The following DLG2 variants were observed in gnomAD, a reference collection of about 807,000 sequenced individuals.
The protein encoded by DLG2 is disks large homolog 2.
DLG2 carries 45 observed loss-of-function variants against 132.5 expected under a neutral mutation model. The ratio of observed to expected loss-of-function variants is 0.34; its 90% confidence interval spans 0.27 to 0.44. The LOEUF (loss-of-function observed/expected upper bound fraction) is 0.44, where lower values mean the gene tolerates loss of function less well. DLG2 is among the 20% of genes least tolerant of loss of function. The pLI is 1.00. For missense variants in DLG2, 1,045 were observed against 1,196.9 expected, an observed-to-expected ratio of 0.87 and a Z score of 1.87; for synonymous variants, 424 against 419.6, an observed-to-expected ratio of 1.01 and a Z score of -0.13.
intron 7 of DLG2, among the ~76,000 whole-genome samples, chr11:84,530,014 A>G (rs1304848214): frequency 2.0e-5 from 3 of 152,174 alleles, no homozygotes; most frequent in Admixed American, 2.0e-4. Context: ...CTGATCTTCA[A>G]TAAAGTGGAA....
chr11:84,915,604 G>T (rs1184944066), intron 6 of DLG2, among the ~76,000 whole-genome samples: 1 of 152,078 alleles, frequency 6.6e-6, no homozygotes, highest in Non-Finnish European at 1.5e-5. Flanking sequence ...CAGATTCCCA[G>T]GCTGCTTTCC....
chr11:84,637,704 G>C (rs970591477), intron 6 of DLG2, among the ~76,000 whole-genome samples: 1 of 152,210 alleles, frequency 6.6e-6, no homozygotes, highest in Admixed American at 6.5e-5. Flanking sequence ...AGACATCGCA[G>C]CTCATTTTGT....
At position 85,470,995 on chromosome 11, in the gene DLG2, C is replaced by T. The variant is rs1411695590; in HGVS notation, c.40+127662G>A. On this transcript the variant is annotated intron_variant, in intron 3 of 27. Transcript: ENST00000376104. The stretch of plus-strand genomic sequence containing the variant: ...TATTTACATTGCAAAGTGTAAGTAC[C>T]CAGGACTCCTTCTTTTCTCTTCCCT... Among the ~76,000 whole-genome samples the T allele has an allele frequency of 2.6e-5, 4 of 152,278 alleles. No homozygotes were observed. In the East Asian group the frequency reaches 7.7e-4, roughly 29 times the overall value.
intron 3 of DLG2, among the ~76,000 whole-genome samples, chr11:85,387,182 T>C (rs2086415735): frequency 6.6e-6 from 1 of 152,084 alleles, no homozygotes; most frequent in Admixed American, 6.6e-5. Context: ...GCCACCAGAA[T>C]ATCCTTTCTT....
chr11:85,180,353 T>C (rs1482616234), intron 4 of DLG2, among the ~76,000 whole-genome samples: 1 of 151,882 alleles, frequency 6.6e-6, no homozygotes, highest in Non-Finnish European at 1.5e-5. Flanking sequence ...TGTTAAACTT[T>C]TTTTAATGAG....
chr11:85,509,048 T>A (rs1204175684), intron 3 of DLG2, among the ~76,000 whole-genome samples: 1 of 152,084 alleles, frequency 6.6e-6, no homozygotes, highest in African/African-American at 2.4e-5. Context: ...GGGTTTTTAT[T>A]GTGAAATGCT....
At chr11:84,298,071 CCT>C (rs763093635) in intron 7 of DLG2, among the ~76,000 whole-genome samples, 10 of 152,122 alleles carry the variant, frequency 6.6e-5, no homozygotes, top group Non-Finnish European at 7.3e-5. Flanking sequence ...ATAGCACACC[CCT>C]GTCTGAAGTA....
rs567360432 is a variant in DLG2, at chr11:85,468,810, T to A, written c.40+129847A>T. Among the ~76,000 whole-genome samples the A allele has an allele frequency of 2.0e-5, 3 of 152,314 alleles. No homozygotes were observed. The East Asian group carries it at 5.8e-4, about 29-fold the overall frequency. ...TCTGTTGATTTGGGGTGCAGAGTTC[T>A]GTAGATGTCTAATTTTTTTTAAATA... On this transcript the variant is annotated intron_variant, in intron 3 of 27. Transcript: ENST00000376104.
intron 4 of DLG2, among the ~76,000 whole-genome samples, chr11:85,197,064 G>A (rs2081122278): frequency 6.6e-6 from 1 of 152,066 alleles, no homozygotes; most frequent in African/African-American, 2.4e-5. Flanking sequence ...GAAAACTGAG[G>A]GCAGTTTTAA....
At position 83,589,247 on chromosome 11, in the gene DLG2, C is replaced by T. The variant is rs1009127903; in HGVS notation, c.1940+43964G>A. On this transcript the variant is annotated intron_variant, in intron 19 of 27. Transcript: ENST00000376104. ...GTTAAGGGCAGCCAGAGAGAAAGGT[C>T]GGGTTACCCTCAAAGGGAAGCCCAT... is the stretch of plus-strand genomic sequence containing the variant. Among the ~76,000 whole-genome samples, 7 of 151,636 alleles carry T rather than the reference C, an allele frequency of 4.6e-5. No individual in the cohort carries two copies. The East Asian group carries it at 7.8e-4, about 17-fold the overall frequency.
At chr11:84,919,402 C>T (rs915945166) in intron 6 of DLG2, among the ~76,000 whole-genome samples, 2 of 152,172 alleles carry the variant, frequency 1.3e-5, no homozygotes, top group African/African-American at 4.8e-5. Flanking sequence ...CATTCTGTTA[C>T]ACTCTTTTTC....
chr11:83,724,130 A>G lies in DLG2; in HGVS notation c.1825+62560T>C, dbSNP rs1228094018. On this transcript the variant is annotated intron_variant, in intron 18 of 27. Coordinates refer to ENST00000376104, the MANE Select transcript of DLG2 (RefSeq NM_001142699.3). The stretch of plus-strand genomic sequence containing the variant: ...AGAGTCTAGCTTTCCATATACTACT[A>G]CTAATCTTTAAACAACCACCAGAAC... 2.0e-5 allele frequency among the ~76,000 whole-genome samples: 3 copies of G among 152,138 alleles called. No individual in the cohort carries two copies. The East Asian group carries it at 5.8e-4, about 29-fold the overall frequency.
intron 6 of DLG2, among the ~76,000 whole-genome samples, chr11:84,540,668 T>C (rs2099366416): frequency 6.6e-6 from 1 of 152,158 alleles, no homozygotes; most frequent in Admixed American, 6.5e-5. Context: ...AAATACCATT[T>C]GACCCAGCCA....
At chr11:85,547,678 C>G (rs557745563) in intron 3 of DLG2, among the ~76,000 whole-genome samples, 2 of 152,010 alleles carry the variant, frequency 1.3e-5, no homozygotes, top group African/African-American at 4.8e-5. Context: ...AGGTTTTGTT[C>G]GTTTCTTTTC....
intron 6 of DLG2, among the ~76,000 whole-genome samples, chr11:84,928,958 A>ACG (rs2047726554): frequency 1.9e-5 from 1 of 52,866 alleles, no homozygotes; most frequent in African/African-American, 8.5e-5. Flanking sequence ...ACTCTCTGAT[A>ACG]TGTGTGTGTG....
At chr11:84,353,532 A>G (rs914902328) in intron 7 of DLG2, among the ~76,000 whole-genome samples, 1 of 152,274 alleles carries the variant, frequency 6.6e-6, no homozygotes, top group Non-Finnish European at 1.5e-5. Context: ...CTCTAATGAG[A>G]TTACCTTAAA....
chr11:84,344,416 C>T (rs2098529899), intron 7 of DLG2, among the ~76,000 whole-genome samples: 2 of 152,102 alleles, frequency 1.3e-5, no homozygotes, highest in African/African-American at 4.8e-5. Context: ...ATACTATCTA[C>T]TATTATTGTT....
At chr11:85,058,311 C>A (rs549742343) in intron 6 of DLG2, among the ~76,000 whole-genome samples, 7 of 151,404 alleles carry the variant, frequency 4.6e-5, no homozygotes, top group African/African-American at 1.4e-4. Flanking sequence ...ACATATAGCA[C>A]CTCTGAACGA....
At chr11:84,146,595 T>C (rs1366136736) in intron 9 of DLG2, among the ~76,000 whole-genome samples, 1 of 152,176 alleles carries the variant, frequency 6.6e-6, no homozygotes, top group Non-Finnish European at 1.5e-5. Flanking sequence ...GAAGAATCTA[T>C]GCAATGCAAC....
Sources: gnomAD v4.1 joint callset for allele counts (sites outside exome capture counted in the v4.1 genomes callset) on GRCh38, gnomAD v4.1.1 for gene constraint, MANE v1.5 for transcripts, NCBI Gene and HGNC (gene_info 2026-07-23, HGNC 2026-07-21) for gene names.